Variants in MATCAP2 observed in about 807,000 individuals in gnomAD.
MATCAP2 encodes microtubule associated tyrosine carboxypeptidase 2.
At chr7:36,336,952 C>G in the MATCAP2 span, among the ~76,000 whole-genome samples, 1 of 151,134 alleles carries the variant, frequency 6.6e-6, no homozygotes, top group South Asian at 2.1e-4. Context: ...AAAAAATAGC[C>G]AGACATGGTG....
chr7:36,330,987 C>A, the MATCAP2 span: 1 of 1,604,970 alleles, frequency 6.2e-7, no homozygotes, highest in Non-Finnish European at 8.5e-7. Flanking sequence ...CTCACCTTCC[C>A]GAGAGCAGTC....
the MATCAP2 span, among the ~76,000 whole-genome samples, chr7:36,381,885 G>A: frequency 0.27 from 40,958 of 151,880 alleles, 6,432 homozygotes; most frequent in South Asian, 0.49. Context: ...AATGAACCCT[G>A]GGTCTGGAAA....
the MATCAP2 span, among the ~76,000 whole-genome samples, chr7:36,329,849 A>C: frequency 6.6e-6 from 1 of 152,156 alleles, no homozygotes; most frequent in Non-Finnish European, 1.5e-5. Context: ...AACCCAGGTG[A>C]TCAAACACAG....
At chr7:36,346,256 T>C in the MATCAP2 span, among the ~76,000 whole-genome samples, 2 of 152,008 alleles carry the variant, frequency 1.3e-5, no homozygotes, top group African/African-American at 4.8e-5. Flanking sequence ...CATAGAGAAA[T>C]TATATGTACT....
At chr7:36,333,521 A>T in the MATCAP2 span, among the ~76,000 whole-genome samples, 1 of 152,028 alleles carries the variant, frequency 6.6e-6, no homozygotes, top group Non-Finnish European at 1.5e-5. Context: ...CATGTGAATT[A>T]TATCTCAGTA....
At chr7:36,333,584 A>C in the MATCAP2 span, among the ~76,000 whole-genome samples, 1 of 150,024 alleles carries the variant, frequency 6.7e-6, no homozygotes, top group East Asian at 1.9e-4. Context: ...GCAAAAAAAG[A>C]AATGTTAACA....
the MATCAP2 span, chr7:36,333,814 C>T: frequency 6.8e-7 from 1 of 1,461,510 alleles, no homozygotes; most frequent in Non-Finnish European, 9.3e-7. Flanking sequence ...CACTAGACAA[C>T]TAGTCAGTAA....
chr7:36,389,483 C>G, the MATCAP2 span, among the ~76,000 whole-genome samples: 3 of 152,334 alleles, frequency 2.0e-5, no homozygotes, highest in African/African-American at 7.2e-5. Flanking sequence ...CAGCCTCAGC[C>G]TCCCCAAATG....
the MATCAP2 span, chr7:36,390,006 C>G: frequency 6.2e-7 from 1 of 1,614,102 alleles, no homozygotes; most frequent in Non-Finnish European, 8.5e-7. Context: ...TCCATCGTCT[C>G]GTAGTCCGAC....
the MATCAP2 span, chr7:36,366,704 T>G: frequency 6.5e-7 from 1 of 1,535,220 alleles, no homozygotes; most frequent in Non-Finnish European, 8.7e-7. Flanking sequence ...AGGTACTTAC[T>G]GATAATAAGT....
the MATCAP2 span, chr7:36,356,387 T>TAGATCTC: frequency 6.2e-6 from 1 of 160,324 alleles, no homozygotes; most frequent in Admixed American, 6.0e-5. Context: ...TGGTGGCGGG[T>TAGATCTC]GCCTGTAGTC....
At chr7:36,336,073 AAAATAAAAT>A in the MATCAP2 span, 3 of 1,125,508 alleles carry the variant, frequency 2.7e-6, no homozygotes, top group Admixed American at 1.0e-4. Flanking sequence ...TCCATTTCAA[AAAATAAAAT>A]AAATAAAATA....
the MATCAP2 span, among the ~76,000 whole-genome samples, chr7:36,360,001 G>A: frequency 1.3e-5 from 2 of 152,282 alleles, no homozygotes; most frequent in East Asian, 1.9e-4. Flanking sequence ...AGGTGTAGCC[G>A]GAAACGTAAA....
At chr7:36,376,010 T>C in the MATCAP2 span, among the ~76,000 whole-genome samples, 1 of 152,222 alleles carries the variant, frequency 6.6e-6, no homozygotes, top group East Asian at 1.9e-4. Flanking sequence ...TAGCGGTTTA[T>C]CAATTTTGTT....
At chr7:36,368,265 T>G in the MATCAP2 span, 13 of 152,256 alleles carry the variant, frequency 8.5e-5, no homozygotes, top group South Asian at 4.1e-4. Context: ...TTTCTCTTCA[T>G]CCTCAAGGCT....
the MATCAP2 span, among the ~76,000 whole-genome samples, chr7:36,340,909 G>A: frequency 6.6e-6 from 1 of 152,106 alleles, no homozygotes; most frequent in Non-Finnish European, 1.5e-5. Context: ...TCCCAATTTT[G>A]GAAAAAGGAA....
At chr7:36,334,010 C>A in the MATCAP2 span, 3 of 1,613,966 alleles carry the variant, frequency 1.9e-6, no homozygotes, top group Non-Finnish European at 2.5e-6. Context: ...GGGCAGCCCT[C>A]CATAAAAAAG....
the MATCAP2 span, among the ~76,000 whole-genome samples, chr7:36,351,458 G>A: frequency 6.6e-6 from 1 of 152,150 alleles, no homozygotes; most frequent in African/African-American, 2.4e-5. Context: ...ATGCCATAGA[G>A]TGTTGTGTGC....
the MATCAP2 span, chr7:36,389,942 G>A: frequency 9.3e-6 from 15 of 1,612,756 alleles, no homozygotes; most frequent in Middle Eastern, 1.7e-4. Flanking sequence ...GTTTTTTCCA[G>A]GAGACACACT....
Sources: gnomAD v4.1 joint callset for allele counts (sites outside exome capture counted in the v4.1 genomes callset) on GRCh38, gnomAD v4.1.1 for gene constraint, MANE v1.5 for transcripts, NCBI Gene and HGNC (gene_info 2026-07-23, HGNC 2026-07-21) for gene names.